LRRC4C: variants seen among roughly 807,000 people sequenced by gnomAD.
LRRC4C encodes leucine-rich repeat-containing protein 4C.
Under a neutral mutation model 33.6 loss-of-function variants are expected in LRRC4C, and 5 were observed. That is an observed-to-expected ratio of 0.15 (90% CI 0.08 to 0.31). LRRC4C has a LOEUF of 0.31. Among genes scored for constraint, LRRC4C ranks in the 10% least tolerant of loss-of-function variants. The probability of loss-of-function intolerance (pLI) is 1.00; values close to 1 mark genes in which losing one functional copy is unlikely to be tolerated. For missense variants in LRRC4C, 560 were observed against 796.7 expected, an observed-to-expected ratio of 0.70 and a Z score of 3.58; for synonymous variants, 329 against 302.0, an observed-to-expected ratio of 1.09 and a Z score of -0.93.
At chr11:40,840,329 C>T (rs556066373) in intron 2 of LRRC4C, among the ~76,000 whole-genome samples, 2 of 152,182 alleles carry the variant, frequency 1.3e-5, no homozygotes, top group African/African-American at 4.8e-5. Context: ...ATCCTACCAA[C>T]ATTATTTCTA....
intron 3 of LRRC4C, among the ~76,000 whole-genome samples, chr11:40,470,445 G>A (rs919374298): frequency 3.3e-5 from 5 of 152,248 alleles, no homozygotes; most frequent in African/African-American, 9.6e-5. Flanking sequence ...GCTCAAAAAG[G>A]CTGAGAATTC....
chr11:40,303,120 C>G (rs1194591681), intron 4 of LRRC4C, among the ~76,000 whole-genome samples: 1 of 151,878 alleles, frequency 6.6e-6, no homozygotes, highest in African/African-American at 2.4e-5. Flanking sequence ...CAAAAGTTAT[C>G]CCAGAGGCAG....
At chr11:41,088,169 T>A (rs888484547) in intron 1 of LRRC4C, among the ~76,000 whole-genome samples, 1 of 152,088 alleles carries the variant, frequency 6.6e-6, no homozygotes, top group African/African-American at 2.4e-5. Context: ...TATGAATCTT[T>A]AATAATCAGA....
chr11:41,057,346 G>A (rs1173858127), intron 1 of LRRC4C, among the ~76,000 whole-genome samples: 1 of 152,190 alleles, frequency 6.6e-6, no homozygotes, highest in East Asian at 1.9e-4. Context: ...GCATAGGAGG[G>A]AAGCTGAGCA....
chr11:40,946,761 T>C (rs1361179530), intron 1 of LRRC4C, among the ~76,000 whole-genome samples: 1 of 152,088 alleles, frequency 6.6e-6, no homozygotes, highest in Non-Finnish European at 1.5e-5. Context: ...ACTTGACCAA[T>C]TAAAACTAAT....
At chr11:40,200,696 G>GTGGGGGT (rs947483211) in intron 5 of LRRC4C, among the ~76,000 whole-genome samples, 24 of 146,186 alleles carry the variant, frequency 1.6e-4, no homozygotes, top group African/African-American at 6.1e-4. Context: ...AACCCAGGAG[G>GTGGGGGT]TGGGGGTTGC....
At chr11:40,327,835 A>G (rs537313117) in intron 3 of LRRC4C, among the ~76,000 whole-genome samples, 1 of 152,282 alleles carries the variant, frequency 6.6e-6, no homozygotes, top group African/African-American at 2.4e-5. Context: ...AATTAATAAC[A>G]AAAACAATAA....
chr11:40,715,516 C>T (rs187885380), intron 2 of LRRC4C, among the ~76,000 whole-genome samples: 6 of 152,146 alleles, frequency 3.9e-5, no homozygotes, highest in Non-Finnish European at 8.8e-5. Context: ...TACCTACCTA[C>T]GTATGATGTA....
intron 2 of LRRC4C, among the ~76,000 whole-genome samples, chr11:40,872,737 T>A (rs1954711617): frequency 6.6e-6 from 1 of 152,148 alleles, no homozygotes; most frequent in African/African-American, 2.4e-5. Context: ...AAATTTTATA[T>A]TTCAGTAGTC....
At chr11:41,099,201 C>T (rs1212013488) in intron 1 of LRRC4C, among the ~76,000 whole-genome samples, 1 of 151,818 alleles carries the variant, frequency 6.6e-6, no homozygotes, top group Non-Finnish European at 1.5e-5. Context: ...AAATAGCCTA[C>T]CATCCAAAAA....
chr11:41,417,050 G>C (rs557745413), intron 1 of LRRC4C, among the ~76,000 whole-genome samples: 2 of 152,118 alleles, frequency 1.3e-5, no homozygotes, highest in East Asian at 3.9e-4. Context: ...AGAAATAGAT[G>C]CTCCTTACTG....
chr11:41,396,901 G>C (rs1379005072), intron 1 of LRRC4C, among the ~76,000 whole-genome samples: 3 of 151,966 alleles, frequency 2.0e-5, no homozygotes, highest in Non-Finnish European at 2.9e-5. Context: ...ACAGAGTAAA[G>C]AGACAGCCTA....
At chr11:40,467,395 C>T (rs1013456107) in intron 3 of LRRC4C, among the ~76,000 whole-genome samples, 1 of 151,922 alleles carries the variant, frequency 6.6e-6, no homozygotes, top group Admixed American at 6.6e-5. Flanking sequence ...GAAAATTGTG[C>T]CATATGCATG....
chr11:41,133,342 G>GTACTT (rs1352929656), intron 1 of LRRC4C, among the ~76,000 whole-genome samples: 7 of 152,124 alleles, frequency 4.6e-5, no homozygotes, highest in Non-Finnish European at 1.0e-4. Flanking sequence ...AAATACTTAG[G>GTACTT]AGGAGAGCAA....
chr11:41,124,985 T>C (rs932398183), intron 1 of LRRC4C, among the ~76,000 whole-genome samples: 47 of 152,184 alleles, frequency 3.1e-4, no homozygotes, highest in African/African-American at 1.1e-3. Context: ...ACACCAGTTA[T>C]CGGTTTGAGA....
At chr11:40,740,377 T>C (rs748873620) in intron 2 of LRRC4C, among the ~76,000 whole-genome samples, 64 of 151,998 alleles carry the variant, frequency 4.2e-4, no homozygotes, top group Non-Finnish European at 7.7e-4. Flanking sequence ...ATATGATATA[T>C]TATTAGAGTT....
chr11:41,192,663 C>T (rs1946009538), intron 1 of LRRC4C, among the ~76,000 whole-genome samples: 2 of 151,900 alleles, frequency 1.3e-5, no homozygotes, highest in African/African-American at 4.8e-5. Context: ...AAAAATGCAG[C>T]TTTTACGTGA....
At chr11:40,794,302 A>G (rs1308920196) in intron 2 of LRRC4C, among the ~76,000 whole-genome samples, 1 of 151,604 alleles carries the variant, frequency 6.6e-6, no homozygotes, top group Admixed American at 6.6e-5. Flanking sequence ...CATTTAGTGA[A>G]TAAACATGAA....
At chr11:40,520,023 G>T (rs1389908371) in intron 3 of LRRC4C, among the ~76,000 whole-genome samples, 3 of 152,300 alleles carry the variant, frequency 2.0e-5, no homozygotes, top group African/African-American at 4.8e-5. Context: ...TGAAGGACAG[G>T]CTGACTCTCT....
Sources: allele counts gnomAD v4.1 joint callset (sites outside exome capture counted in the v4.1 genomes callset), GRCh38; gene constraint gnomAD v4.1.1; transcripts MANE v1.5; gene names NCBI Gene and HGNC (gene_info 2026-07-23, HGNC 2026-07-21).